Variants in ANO2 observed in about 807,000 individuals in gnomAD.
ANO2 encodes anoctamin 2.
A neutral mutation model predicts 124.2 loss-of-function variants in ANO2; 101 were observed. That is an observed-to-expected ratio of 0.81 (90% CI 0.69 to 0.96). The LOEUF (loss-of-function observed/expected upper bound fraction) is 0.96, where lower values mean the gene tolerates loss of function less well. Among genes scored for constraint, ANO2 ranks in the 40% least tolerant of loss-of-function variants. The probability of loss-of-function intolerance (pLI) is 0.00; values close to 1 mark genes in which losing one functional copy is unlikely to be tolerated. For synonymous variants in ANO2, 486 were observed against 482.5 expected (o/e 1.01, Z -0.09); for missense variants, 1,293 against 1,274.5 (o/e 1.01, Z -0.22).
At position 5,865,951 on chromosome 12, in the gene ANO2, G is replaced by T. The variant is rs142763545; in HGVS notation, c.535-11810C>A. On this transcript the variant is annotated intron_variant, in intron 3 of 24. Transcript: ENST00000682330. Reference sequence around the variant, plus strand: ...GACGACAATGAACGATCATTTGTTTGTCATCTCCCCTTTCACTCACCAATA... The same window carrying T: ...GACGACAATGAACGATCATTTGTTTTTCATCTCCCCTTTCACTCACCAATA... 1.8e-3 allele frequency among the ~76,000 whole-genome samples: 271 copies of T among 152,340 alleles called. 1 individual carries two copies. Among genetic ancestry groups the T allele is most frequent in the Middle Eastern group, 0.014 (4 of 294 alleles).
intron 14 of ANO2, among the ~76,000 whole-genome samples, chr12:5,720,794 C>G (rs546721990): frequency 1.3e-5 from 2 of 152,304 alleles, no homozygotes; most frequent in Admixed American, 1.3e-4. Context: ...GCTTCCATAA[C>G]CCAGGCCTCA....
intron 10 of ANO2, among the ~76,000 whole-genome samples, chr12:5,768,449 T>C (rs1023584734): frequency 1.3e-5 from 2 of 152,216 alleles, no homozygotes; most frequent in Non-Finnish European, 2.9e-5. Flanking sequence ...GAAGAGAGTC[T>C]ATATCAAAAG....
At chr12:5,807,257 G>T in intron 8 of ANO2, 56 bp downstream of exon 8, 1 of 1,467,154 alleles carries the variant, frequency 6.8e-7, no homozygotes, top group Non-Finnish European at 9.2e-7. Context: ...CTGAAAAGTT[G>T]TGGTTTTCAA....
intron 2 of ANO2, 124 bp from the exon 3 acceptor site, chr12:5,921,490 G>T (rs555687095): frequency 4.5e-4 from 385 of 854,424 alleles, no homozygotes; most frequent in Non-Finnish European, 6.5e-4. Flanking sequence ...AGGCCCAAAG[G>T]CCCCCAGTGC....
intron 19 of ANO2, 106 bp from the exon 20 acceptor site, chr12:5,599,735 T>G: frequency 7.9e-7 from 1 of 1,264,174 alleles, no homozygotes; most frequent in Non-Finnish European, 1.1e-6. Context: ...TAAAGCCATC[T>G]CTGATCCAAA....
chr12:5,598,788 A>G (rs1441275809), intron 20 of ANO2, among the ~76,000 whole-genome samples: 2 of 152,236 alleles, frequency 1.3e-5, no homozygotes, highest in Non-Finnish European at 2.9e-5. Flanking sequence ...GTGCAAAGGC[A>G]GCTGGCCTAA....
intron 7 of ANO2, among the ~76,000 whole-genome samples, chr12:5,814,744 T>C (rs1213705249): frequency 1.3e-5 from 2 of 152,236 alleles, no homozygotes; most frequent in Admixed American, 6.5e-5. Flanking sequence ...AGTGAATGGA[T>C]GTTATACTGG....
At chr12:5,845,364 G>C (rs562145047) in intron 4 of ANO2, among the ~76,000 whole-genome samples, 20 of 151,816 alleles carry the variant, frequency 1.3e-4, no homozygotes, top group Non-Finnish European at 2.8e-4. Context: ...TCAGGAGACC[G>C]AGACCATCCT....
At chr12:5,801,846 A>G (rs191133553) in intron 9 of ANO2, among the ~76,000 whole-genome samples, 2 of 152,248 alleles carry the variant, frequency 1.3e-5, no homozygotes, top group African/African-American at 2.4e-5. Flanking sequence ...TCCTCCTCCC[A>G]CATCTTGGGT....
intron 3 of ANO2, among the ~76,000 whole-genome samples, chr12:5,855,296 C>T (rs946707100): frequency 6.6e-6 from 1 of 152,152 alleles, no homozygotes; most frequent in Admixed American, 6.6e-5. Flanking sequence ...AAGACTACGT[C>T]CCCCCACTGA....
intron 7 of ANO2, among the ~76,000 whole-genome samples, chr12:5,810,693 G>A (rs147752105): frequency 8.5e-5 from 13 of 152,178 alleles, no homozygotes; most frequent in Admixed American, 6.5e-5. Flanking sequence ...TAGCCCCTGA[G>A]GAGCCCCTTA....
At chr12:5,816,876 C>A (rs1439014319) in intron 7 of ANO2, among the ~76,000 whole-genome samples, 1 of 152,156 alleles carries the variant, frequency 6.6e-6, no homozygotes, top group African/African-American at 2.4e-5. Flanking sequence ...AAACTAAGAG[C>A]CCCTCAAGGG....
intron 14 of ANO2, among the ~76,000 whole-genome samples, chr12:5,715,546 G>A (rs1226145419): frequency 6.6e-6 from 1 of 152,152 alleles, no homozygotes. Context: ...CTATGCTCCA[G>A]GACATCTGTT....
At chr12:5,866,992 T>C (rs1029485450) in intron 3 of ANO2, among the ~76,000 whole-genome samples, 4 of 152,204 alleles carry the variant, frequency 2.6e-5, no homozygotes, top group Non-Finnish European at 5.9e-5. Flanking sequence ...GGGGTTGGTC[T>C]GGGTTGGTCT....
intron 20 of ANO2, among the ~76,000 whole-genome samples, chr12:5,583,357 A>T (rs947116447): frequency 3.3e-5 from 5 of 152,272 alleles, no homozygotes; most frequent in Middle Eastern, 3.4e-3. Context: ...TATAGCTTTT[A>T]AAAAAATGCT....
chr12:5,794,795 T>C (rs1024691285), intron 10 of ANO2, among the ~76,000 whole-genome samples: 1 of 152,210 alleles, frequency 6.6e-6, no homozygotes, highest in Non-Finnish European at 1.5e-5. Flanking sequence ...ACTGTAAGCA[T>C]CAGTGAATGT....
At chr12:5,624,260 G>A (rs898201757) in intron 16 of ANO2, among the ~76,000 whole-genome samples, 1 of 151,592 alleles carries the variant, frequency 6.6e-6, no homozygotes, top group Non-Finnish European at 1.5e-5. Flanking sequence ...GAGAGAGAGA[G>A]AAACAGACAG....
chr12:5,704,878 A>C (rs1311840079), intron 14 of ANO2, among the ~76,000 whole-genome samples: 1 of 152,242 alleles, frequency 6.6e-6, no homozygotes, highest in Non-Finnish European at 1.5e-5. Context: ...TATCTGAAAA[A>C]TACATAGACC....
At chr12:5,732,141 G>C (rs1255245558) in intron 14 of ANO2, among the ~76,000 whole-genome samples, 4 of 152,170 alleles carry the variant, frequency 2.6e-5, no homozygotes, top group African/African-American at 9.7e-5. Flanking sequence ...AATACACTTA[G>C]AACAGTGTCT....
Sources: gnomAD v4.1 joint callset for allele counts (sites outside exome capture counted in the v4.1 genomes callset) on GRCh38, gnomAD v4.1.1 for gene constraint, MANE v1.5 for transcripts, NCBI Gene and HGNC (gene_info 2026-07-23, HGNC 2026-07-21) for gene names.